Variants in NFIC observed in about 807,000 individuals in gnomAD.
NFIC encodes the protein nuclear factor 1 C-type.
Under a neutral mutation model 54.4 loss-of-function variants are expected in NFIC, and 12 were observed. The observed-to-expected ratio is 0.22, with a 90% CI of 0.14 to 0.36. NFIC has a LOEUF of 0.36. NFIC is among the 10% of genes least tolerant of loss of function. The pLI is 1.00. For synonymous variants in NFIC, 322 were observed against 319.2 expected (o/e 1.01, Z -0.09); for missense variants, 575 against 718.2 (o/e 0.80, Z 2.28).
chr19:3,398,080 T>C (rs2081494006), intron 2 of NFIC, among the ~76,000 whole-genome samples: 1 of 152,142 alleles, frequency 6.6e-6, no homozygotes, highest in African/African-American at 2.4e-5. Flanking sequence ...TTGACACTCT[T>C]CCGGCGCCCA....
At chr19:3,446,179 G>C (rs1203025607) in intron 6 of NFIC, among the ~76,000 whole-genome samples, 2 of 152,214 alleles carry the variant, frequency 1.3e-5, no homozygotes, top group Admixed American at 6.5e-5. Flanking sequence ...GGGGACCCCA[G>C]CTCCTGGGAT....
At chr19:3,455,300 CAG>C (rs2082534308) in intron 9 of NFIC, among the ~76,000 whole-genome samples, 2 of 152,040 alleles carry the variant, frequency 1.3e-5, no homozygotes, top group Non-Finnish European at 2.9e-5. Flanking sequence ...GGGATCCACT[CAG>C]GGCTCGATGG....
intron 2 of NFIC, among the ~76,000 whole-genome samples, chr19:3,396,299 G>A (rs1037832601): frequency 7.2e-5 from 11 of 151,860 alleles, no homozygotes; most frequent in African/African-American, 2.2e-4. Context: ...GTGAAACCCC[G>A]TCTCTACTAA....
At chr19:3,366,736 C>G in intron 1 of NFIC, 70 bp downstream of exon 1, 2 of 1,157,604 alleles carry the variant, frequency 1.7e-6, no homozygotes, top group Non-Finnish European at 2.3e-6. Flanking sequence ...AGTTTTGAAG[C>G]AGGAGGAGGC....
rs1244217188 is a variant in NFIC, at chr19:3,463,619, G to A, written c.*850G>A. The A allele has an allele frequency of 3.6e-5, 11 of 307,228 alleles. No homozygotes were observed. Among genetic ancestry groups the A allele is most frequent in the Non-Finnish European group, 4.1e-5 (10 of 241,066 alleles). The allele number at this position is 307,228 out of a possible 1,614,324, so 19.0% of individuals were successfully genotyped here. A position where few individuals can be genotyped will look rare whatever the true frequency, so the allele number is the denominator to read the frequency against. Reference sequence around the variant, plus strand: ...GAGAAGTCTCTATGCAATTGGCCCCGGCCCCTCCACCCCCCACCCCCGGCA... The same window carrying A: ...GAGAAGTCTCTATGCAATTGGCCCCAGCCCCTCCACCCCCCACCCCCGGCA... On this transcript the variant is annotated 3_prime_UTR_variant, in exon 11 of 11. Transcript: ENST00000443272.
chr19:3,388,463 T>C (rs1326959350), intron 2 of NFIC, among the ~76,000 whole-genome samples: 1 of 151,662 alleles, frequency 6.6e-6, no homozygotes, highest in Non-Finnish European at 1.5e-5. Flanking sequence ...TGGACAAGAG[T>C]CACTTGTCCA....
intron 1 of NFIC, among the ~76,000 whole-genome samples, chr19:3,380,309 CT>C (rs529220524): frequency 7.9e-3 from 517 of 65,122 alleles, no homozygotes; most frequent in Middle Eastern, 0.016. Flanking sequence ...CAGCCTTGTT[CT>C]TTTTTTTTTT....
At chr19:3,429,670 T>A (rs1319524804) in intron 3 of NFIC, among the ~76,000 whole-genome samples, 1 of 152,092 alleles carries the variant, frequency 6.6e-6, no homozygotes, top group Non-Finnish European at 1.5e-5. Flanking sequence ...CTCCCTGCAG[T>A]CCGTGCTGCC....
chr19:3,423,648 C>T (rs1213598695), intron 2 of NFIC, among the ~76,000 whole-genome samples: 1 of 152,056 alleles, frequency 6.6e-6, no homozygotes, highest in Non-Finnish European at 1.5e-5. Flanking sequence ...CTGCCAGAGC[C>T]GATAACGCTG....
intron 6 of NFIC, among the ~76,000 whole-genome samples, chr19:3,441,784 G>C (rs932569095): frequency 6.6e-6 from 1 of 152,194 alleles, no homozygotes; most frequent in African/African-American, 2.4e-5. Context: ...CTCCGCAGAG[G>C]GAGGACACAA....
chr19:3,386,477 C>T (rs2081299011), intron 2 of NFIC, among the ~76,000 whole-genome samples: 1 of 152,028 alleles, frequency 6.6e-6, no homozygotes, highest in Non-Finnish European at 1.5e-5. Context: ...CGAGCGCCAC[C>T]ACACCTGGCC....
At chr19:3,394,514 T>TCCC (rs199958298) in intron 2 of NFIC, among the ~76,000 whole-genome samples, 1,209 of 24,610 alleles carry the variant, frequency 0.049, 2 homozygotes, top group Non-Finnish European at 0.056. Context: ...TATGATCTTT[T>TCCC]CCCCACCCAC....
chr19:3,404,467 G>A (rs2081611277), intron 2 of NFIC, among the ~76,000 whole-genome samples: 3 of 152,162 alleles, frequency 2.0e-5, no homozygotes, highest in South Asian at 2.1e-4. Context: ...GTGGGCGCTT[G>A]GCAAGGCCGC....
At chr19:3,363,899 A>C, upstream of NFIC, among the ~76,000 whole-genome samples, 1 of 152,200 alleles carries the variant, frequency 6.6e-6, no homozygotes, top group East Asian at 1.9e-4. Flanking sequence ...CACAGTGCCA[A>C]GGGGGAGAGC....
chr19:3,422,249 T>C (rs2081963975), intron 2 of NFIC, among the ~76,000 whole-genome samples: 1 of 151,600 alleles, frequency 6.6e-6, no homozygotes, highest in Non-Finnish European at 1.5e-5. Context: ...TTTTTTTGTA[T>C]TTTTTGTAAA....
At chr19:3,442,885 A>T (rs1810478204) in intron 6 of NFIC, among the ~76,000 whole-genome samples, 1 of 152,210 alleles carries the variant, frequency 6.6e-6, no homozygotes, top group East Asian at 1.9e-4. Flanking sequence ...AGCTGTGAGG[A>T]CCACATTAAG....
chr19:3,384,700 T>G (rs1232333395), intron 2 of NFIC, among the ~76,000 whole-genome samples: 1 of 152,218 alleles, frequency 6.6e-6, no homozygotes, highest in East Asian at 1.9e-4. Context: ...TTACCCAGTC[T>G]TGATCTTGAT....
intron 1 of NFIC, among the ~76,000 whole-genome samples, chr19:3,379,042 G>A (rs998057978): frequency 6.6e-6 from 1 of 151,928 alleles, no homozygotes; most frequent in Non-Finnish European, 1.5e-5. Context: ...ACAAGCTTTC[G>A]TAGTCATTTT....
At position 3,464,710 on chromosome 19, in the gene NFIC, C is replaced by T. The variant is rs548345191; in HGVS notation, c.*1941C>T. The T allele has an allele frequency of 1.6e-4, 157 of 985,362 alleles. No homozygotes were observed. The African/African-American group carries it at 2.6e-3, about 16-fold the overall frequency. 61.0% of individuals were successfully genotyped at this position (985,362 alleles called of 1,614,324 possible). Reference sequence around the variant, plus strand: ...ACTAGCCTCAGGAGCTTGGCGAACCCGCTCGCTCCTAAAGAGAAAGACCCA... The same window carrying T: ...ACTAGCCTCAGGAGCTTGGCGAACCTGCTCGCTCCTAAAGAGAAAGACCCA... On this transcript the variant is annotated 3_prime_UTR_variant, in exon 11 of 11. Transcript: ENST00000443272.
Sources: gnomAD v4.1 joint callset for allele counts (sites outside exome capture counted in the v4.1 genomes callset) on GRCh38, gnomAD v4.1.1 for gene constraint, MANE v1.5 for transcripts, NCBI Gene and HGNC (gene_info 2026-07-23, HGNC 2026-07-21) for gene names.